TEAD4: variants seen among roughly 807,000 people sequenced by gnomAD.
TEAD4 encodes the protein TEA domain transcription factor 4, also known as transcriptional enhancer factor TEF-3.
TEAD4 carries 36 observed loss-of-function variants against 52.4 expected under a neutral mutation model. The observed-to-expected ratio is 0.69, with a 90% CI of 0.53 to 0.91. The LOEUF is 0.91. Among genes scored for constraint, TEAD4 ranks in the 40% least tolerant of loss-of-function variants. The pLI is 0.00. For synonymous variants in TEAD4, 220 were observed against 231.0 expected (o/e 0.95, Z 0.43); for missense variants, 508 against 583.9 (o/e 0.87, Z 1.34).
chr12:3,010,053 C>T (rs1309755213), intron 3 of TEAD4, among the ~76,000 whole-genome samples: 3 of 152,192 alleles, frequency 2.0e-5, no homozygotes, highest in South Asian at 2.1e-4. Context: ...TCCCTCTGAT[C>T]CCCCCACTCA....
chr12:2,962,327 A>AATATATATATATAT (rs745423413), intron 2 of TEAD4, among the ~76,000 whole-genome samples: 12 of 112,750 alleles, frequency 1.1e-4, no homozygotes, highest in East Asian at 5.2e-4. Context: ...TATATATATA[A>AATATATATATATAT]ATATAAATAT....
chr12:2,966,315 G>C (rs1052337727), intron 2 of TEAD4, among the ~76,000 whole-genome samples: 1 of 152,100 alleles, frequency 6.6e-6, no homozygotes, highest in Non-Finnish European at 1.5e-5. Context: ...GTGATGTGCC[G>C]CAGGGCTGTC....
At chr12:2,964,463 T>C (rs905675160) in intron 2 of TEAD4, among the ~76,000 whole-genome samples, 32 of 151,242 alleles carry the variant, frequency 2.1e-4, no homozygotes, top group Non-Finnish European at 3.7e-4. Context: ...TTCTTTCTTT[T>C]TTTTTTTTTT....
chr12:3,030,951 G>A (rs998743246), intron 10 of TEAD4, among the ~76,000 whole-genome samples: 6 of 152,198 alleles, frequency 3.9e-5, no homozygotes, highest in African/African-American at 1.4e-4. Flanking sequence ...GTTAACTCTG[G>A]CACCCAGACT....
chr12:2,985,941 G>A lies in TEAD4; in HGVS notation c.-29-8797G>A, dbSNP rs560675719. Reference sequence around the variant, plus strand: ...TCTACTAAAAAAATACAAAAAATTAGCCAGGCATGGCGGCGGTTGCCTGTA... The same window carrying A: ...TCTACTAAAAAAATACAAAAAATTAACCAGGCATGGCGGCGGTTGCCTGTA... On this transcript the variant is annotated intron_variant, in intron 2 of 12. Transcript: ENST00000359864. Among the ~76,000 whole-genome samples, 15 of 152,016 alleles carry A rather than the reference G, an allele frequency of 9.9e-5. No individual in the cohort carries two copies. The East Asian group carries it at 2.8e-3, about 28-fold the overall frequency.
At chr12:3,017,285 C>A in intron 5 of TEAD4, 113 bp from the exon 6 acceptor site, 1 of 1,421,718 alleles carries the variant, frequency 7.0e-7, no homozygotes, top group Non-Finnish European at 9.7e-7. Flanking sequence ...GCCTGGTCCC[C>A]CAGCTCTGGC....
chr12:3,020,442 G>A (rs2098267869), intron 8 of TEAD4, among the ~76,000 whole-genome samples, 192 bp from the exon 9 acceptor site: 1 of 152,122 alleles, frequency 6.6e-6, no homozygotes, highest in African/African-American at 2.4e-5. Context: ...CTCCCCACCA[G>A]GGCAGCTCCA....
chr12:3,031,030 G>T (rs183616116), intron 10 of TEAD4, among the ~76,000 whole-genome samples: 4 of 152,314 alleles, frequency 2.6e-5, no homozygotes, highest in Non-Finnish European at 4.4e-5. Flanking sequence ...GACCTCGGCC[G>T]AGAGGCTGGC....
chr12:2,989,759 A>G (rs1591568878), intron 2 of TEAD4, among the ~76,000 whole-genome samples: 1 of 152,164 alleles, frequency 6.6e-6, no homozygotes, highest in Non-Finnish European at 1.5e-5. Context: ...TATCAGTTTA[A>G]TAGTCCTTCC....
intron 10 of TEAD4, among the ~76,000 whole-genome samples, chr12:3,027,467 C>T (rs2098272741): frequency 6.6e-6 from 1 of 152,128 alleles, no homozygotes; most frequent in African/African-American, 2.4e-5. Context: ...CACAGTGGCT[C>T]ACATCTTAAT....
At chr12:3,001,450 A>G (rs1490961282) in intron 3 of TEAD4, among the ~76,000 whole-genome samples, 10 of 152,098 alleles carry the variant, frequency 6.6e-5, no homozygotes, top group African/African-American at 2.2e-4. Flanking sequence ...TTCTGTCTCT[A>G]TGATTTGCCT....
chr12:2,993,130 A>G (rs2098244475), intron 2 of TEAD4, among the ~76,000 whole-genome samples: 1 of 152,216 alleles, frequency 6.6e-6, no homozygotes, highest in Non-Finnish European at 1.5e-5. Context: ...AGACCACAAA[A>G]TGTACCATCC....
At chr12:2,998,991 G>T (rs565124119) in intron 3 of TEAD4, among the ~76,000 whole-genome samples, 93 of 152,306 alleles carry the variant, frequency 6.1e-4, no homozygotes, top group African/African-American at 2.1e-3. Flanking sequence ...ACCAGTCCCG[G>T]GGGCCGAGCC....
chr12:2,978,207 AT>A (rs1237217466), intron 2 of TEAD4, among the ~76,000 whole-genome samples: 4 of 151,834 alleles, frequency 2.6e-5, no homozygotes, highest in African/African-American at 9.7e-5. Context: ...GCTTTAAACA[AT>A]TTTTTTGGTG....
At chr12:2,992,998 T>C (rs2098244372) in intron 2 of TEAD4, among the ~76,000 whole-genome samples, 1 of 152,090 alleles carries the variant, frequency 6.6e-6, no homozygotes, top group African/African-American at 2.4e-5. Context: ...GTTGCTCCAG[T>C]GTGTGAGGAG....
At chr12:3,026,410 A>G (rs1450374069) in intron 10 of TEAD4, among the ~76,000 whole-genome samples, 1 of 152,218 alleles carries the variant, frequency 6.6e-6, no homozygotes, top group Non-Finnish European at 1.5e-5. Flanking sequence ...AAGACTGTCC[A>G]GTGCTGGCCC....
chr12:2,961,278 T>G (rs1189452059), intron 2 of TEAD4, among the ~76,000 whole-genome samples: 6 of 152,076 alleles, frequency 3.9e-5, no homozygotes, highest in South Asian at 2.1e-4. Context: ...AATCCCTCAT[T>G]CTTTCCAACT....
intron 2 of TEAD4, among the ~76,000 whole-genome samples, chr12:2,975,240 T>C (rs972318032): frequency 6.6e-6 from 1 of 151,560 alleles, no homozygotes; most frequent in Non-Finnish European, 1.5e-5. Flanking sequence ...GAGCAGAAAG[T>C]AGACTTCCCG....
chr12:3,010,779 C>T (rs1417198373), intron 3 of TEAD4, among the ~76,000 whole-genome samples: 1 of 152,186 alleles, frequency 6.6e-6, no homozygotes, highest in Non-Finnish European at 1.5e-5. Context: ...CCCTGTTAAC[C>T]TTGTTCTCGG....
Sources: gnomAD v4.1 joint callset for allele counts (sites outside exome capture counted in the v4.1 genomes callset) on GRCh38, gnomAD v4.1.1 for gene constraint, MANE v1.5 for transcripts, NCBI Gene and HGNC (gene_info 2026-07-23, HGNC 2026-07-21) for gene names.